Variants in CASK observed in about 807,000 individuals in gnomAD.
CASK encodes peripheral plasma membrane protein CASK.
Under a neutral mutation model 82.9 loss-of-function variants are expected in CASK, and 4 were observed. That is an observed-to-expected ratio of 0.05 (90% CI 0.02 to 0.11). CASK has a LOEUF of 0.11. CASK is among the 10% of genes least tolerant of loss of function. CASK has a pLI of 1.00. For synonymous variants in CASK, 259 were observed against 253.5 expected, an observed-to-expected ratio of 1.02 and a Z score of -0.20; for missense variants, 358 against 720.9, an observed-to-expected ratio of 0.50 and a Z score of 5.76.
At chrX:41,764,590 C>T (rs1211774851) in intron 3 of CASK, among the ~76,000 whole-genome samples, 1 of 111,713 alleles carries the variant, frequency 9.0e-6, no homozygotes, top group Non-Finnish European at 1.9e-5. Context: ...GTGCCCAAGC[C>T]AGAGACGGCA....
At chrX:41,701,387 A>T (rs974309004) in intron 5 of CASK, among the ~76,000 whole-genome samples, 6 of 112,661 alleles carry the variant, frequency 5.3e-5, no homozygotes, top group Non-Finnish European at 9.4e-5. Flanking sequence ...AGCAGGAAAA[A>T]TATTCACAAC....
At chrX:41,665,547 A>T in intron 6 of CASK, 95 bp from the exon 7 acceptor site, 1 of 309,788 alleles carries the variant, frequency 3.2e-6, no homozygotes, top group Non-Finnish European at 4.5e-6. Flanking sequence ...TCCAAATAAA[A>T]AGTTTACCAA....
At chrX:41,646,494 G>A (rs1196032579) in intron 8 of CASK, among the ~76,000 whole-genome samples, 1 of 110,945 alleles carries the variant, frequency 9.0e-6, no homozygotes, top group African/African-American at 3.3e-5. Flanking sequence ...AAAATAGGAA[G>A]ATAAAGGCAT....
rs902511585 is a variant in CASK at position 41,665,509 on chromosome X, A to G, written c.533-57T>C. The G allele has an allele frequency of 5.4e-6, 5 of 919,893 alleles. No individual in the cohort carries two copies. In the Admixed American group the frequency reaches 7.8e-5, roughly 14 times the overall value. The allele number at this position is 919,893 out of a possible 1,213,427, so 75.8% of individuals were successfully genotyped here. On this transcript the variant is annotated intron_variant, in intron 6 of 26. Transcript: ENST00000378163. ...TTACATAAAATGGGATTTTCACTTG[A>G]AAACTAAAAATAATAGAACAATAAC...
At chrX:41,620,185 C>T (rs1228313581) in intron 11 of CASK, among the ~76,000 whole-genome samples, 2 of 111,920 alleles carry the variant, frequency 1.8e-5, no homozygotes, top group Non-Finnish European at 3.8e-5. Flanking sequence ...AAAGCAGGGA[C>T]ATTTCCTGTT....
intron 2 of CASK, among the ~76,000 whole-genome samples, chrX:41,844,920 G>T (rs2071121542): frequency 9.0e-6 from 1 of 111,647 alleles, no homozygotes; most frequent in South Asian, 3.6e-4. Context: ...TATTTTTAAA[G>T]TATTCTTGTA....
chrX:41,886,597 C>T (rs1294786747), intron 1 of CASK, among the ~76,000 whole-genome samples: 2 of 111,474 alleles, frequency 1.8e-5, no homozygotes, highest in Non-Finnish European at 3.8e-5. Flanking sequence ...ATTAATGTGC[C>T]TAAATGCTAA....
At position 41,650,351 on chromosome X, in the gene CASK, T is replaced by C. The variant is rs192209454; in HGVS notation, c.831+10088A>G. ...TGATGCAGTTTCTTCCTAGCATCGA[T>C]GGTCTTTACAATTTGGCATGTTTTG... On this transcript the variant is annotated intron_variant, in intron 8 of 26. Transcript: ENST00000378163. Among the ~76,000 whole-genome samples the C allele has an allele frequency of 8.2e-3, 915 of 111,695 alleles. 7 individuals carry two copies. Among genetic ancestry groups the C allele is most frequent in the African/African-American group, 0.029 (880 of 30,780 alleles).
intron 2 of CASK, among the ~76,000 whole-genome samples, chrX:41,813,278 T>C (rs961377577): frequency 1.2e-4 from 13 of 111,465 alleles, no homozygotes; most frequent in Non-Finnish European, 2.3e-4. Context: ...GAGCCCGTAT[T>C]GCCAAGTCAA....
intron 13 of CASK, among the ~76,000 whole-genome samples, chrX:41,588,937 T>C (rs1260139354): frequency 1.8e-5 from 2 of 111,884 alleles, no homozygotes; most frequent in Non-Finnish European, 3.8e-5. Flanking sequence ...AAAATTTATA[T>C]GCAAATGGAG....
chrX:41,534,858 G>A, intron 23 of CASK, 35 bp downstream of exon 23: 2 of 1,145,776 alleles, frequency 1.7e-6, no homozygotes, highest in South Asian at 3.6e-5. Context: ...TTTTGAAAGT[G>A]AGAATAAGCA....
At chrX:41,719,198 G>A (rs1277002767) in intron 5 of CASK, among the ~76,000 whole-genome samples, 1 of 111,981 alleles carries the variant, frequency 8.9e-6, no homozygotes, top group African/African-American at 3.2e-5. Flanking sequence ...TTGCTGGAAT[G>A]GCCCTGGTTC....
intron 2 of CASK, among the ~76,000 whole-genome samples, chrX:41,835,149 G>C (rs185237544): frequency 8.9e-6 from 1 of 112,539 alleles, no homozygotes; most frequent in East Asian, 2.8e-4. Flanking sequence ...TAGAAAAAGA[G>C]AAAACAATGA....
chrX:41,718,215 G>A (rs927926764), intron 5 of CASK, among the ~76,000 whole-genome samples: 17 of 113,407 alleles, frequency 1.5e-4, no homozygotes, highest in Non-Finnish European at 2.2e-4. Context: ...GAAGCTCCAC[G>A]TCCCTCTCTT....
At chrX:41,708,345 T>C (rs1331382243) in intron 5 of CASK, among the ~76,000 whole-genome samples, 1 of 111,644 alleles carries the variant, frequency 9.0e-6, no homozygotes. Flanking sequence ...TCAATTTCTA[T>C]GATTAAAAAA....
intron 4 of CASK, among the ~76,000 whole-genome samples, chrX:41,740,721 C>T (rs1013363890): frequency 4.5e-5 from 5 of 112,164 alleles, no homozygotes; most frequent in African/African-American, 1.6e-4. Context: ...CTGTACTAAT[C>T]ACAGGCTCCT....
intron 9 of CASK, among the ~76,000 whole-genome samples, chrX:41,627,704 G>A (rs1453965776): frequency 8.9e-6 from 1 of 112,672 alleles, no homozygotes; most frequent in Non-Finnish European, 1.9e-5. Flanking sequence ...TATCTGTAAA[G>A]TAAGAATATG....
At chrX:41,665,528 C>T (rs959520359) in intron 6 of CASK, 76 bp from the exon 7 acceptor site, 1 of 691,260 alleles carries the variant, frequency 1.4e-6, no homozygotes, top group Non-Finnish European at 2.1e-6. Flanking sequence ...AATAATAGAA[C>T]AATAACAATC....
In CASK at chrX:41,553,745, G is replaced by T; in HGVS notation, c.2013C>A (p.Leu671=). 2 of 1,204,587 alleles carry T rather than the reference G, an allele frequency of 1.7e-6. No homozygotes were observed. The highest frequency in any genetic ancestry group is 2.2e-6 in the Non-Finnish European group (2 of 889,552). Residue 671 remains leucine (L), a synonymous_variant, in exon 21 of 27, where the codon CTC becomes CTA. Coordinates refer to ENST00000378163, the MANE Select transcript of CASK (RefSeq NM_001367721.1). Reference sequence around the variant, plus strand: ...ATTCCTGAAGTTCAGGAGAAGGAATGAGACCTGCAGTTCCATTTTTGGAGT... The same window carrying T: ...ATTCCTGAAGTTCAGGAGAAGGAATTAGACCTGCAGTTCCATTTTTGGAGT... ...LENSKNGTAG[L]IPSPELQEWR...
Sources: gnomAD v4.1 joint callset for allele counts (sites outside exome capture counted in the v4.1 genomes callset) on GRCh38, gnomAD v4.1.1 for gene constraint, MANE v1.5 for transcripts, NCBI Gene and HGNC (gene_info 2026-07-23, HGNC 2026-07-21) for gene names.